The following PCDH11Y variants were observed in gnomAD, a reference collection of about 807,000 sequenced individuals.
PCDH11Y encodes protocadherin 11 Y-linked.
For synonymous variants in PCDH11Y, 9 were observed against 83.6 expected, an observed-to-expected ratio of 0.11 and a Z score of 4.87; for missense variants, 12 against 224.8, an observed-to-expected ratio of 0.05 and a Z score of 6.05.
intron 2 of PCDH11Y, among the ~76,000 whole-genome samples, chrY:5,219,554 C>T: frequency 3.0e-4 from 10 of 33,185 alleles, no homozygotes; most frequent in Non-Finnish European, 6.0e-4. Context: ...GCATATTGTT[C>T]ATTGGATTAT....
intron 4 of PCDH11Y, among the ~76,000 whole-genome samples, chrY:5,697,152 T>C: frequency 3.0e-5 from 1 of 33,343 alleles, no homozygotes; most frequent in South Asian, 6.9e-4. Context: ...GCCCTGAAAA[T>C]TTTTGTTAAT....
chrY:5,006,302 C>A (rs1350091778), intron 1 of PCDH11Y, among the ~76,000 whole-genome samples: 3 of 28,150 alleles, frequency 1.1e-4, no homozygotes, highest in Non-Finnish European at 2.5e-4. Flanking sequence ...AGAAGGGACC[C>A]CCCTCAGCAG....
At chrY:5,166,345 G>T (rs2563052) in intron 2 of PCDH11Y, among the ~76,000 whole-genome samples, 2 of 32,478 alleles carry the variant, frequency 6.2e-5, no homozygotes, top group Non-Finnish European at 1.5e-4. Context: ...CATGATATAC[G>T]TCATTTGCAA....
At chrY:5,386,409 G>A in intron 2 of PCDH11Y, among the ~76,000 whole-genome samples, 1 of 32,454 alleles carries the variant, frequency 3.1e-5, no homozygotes, top group Non-Finnish European at 7.5e-5. Context: ...TCTCTAGCAA[G>A]GCCGGGGAAG....
At chrY:5,692,601 A>G in intron 4 of PCDH11Y, among the ~76,000 whole-genome samples, 1 of 33,046 alleles carries the variant, frequency 3.0e-5, no homozygotes, top group African/African-American at 1.2e-4. Context: ...AAGGTCAACT[A>G]AAAACTGACA....
Position 5,029,691 on chromosome Y carries a change from A to G in PCDH11Y, c.-133-2215A>G, listed in dbSNP as rs2052585548. Among the ~76,000 whole-genome samples the G allele has an allele frequency of 2.2e-4, 6 of 27,162 alleles. No individual in the cohort carries two copies. In the South Asian group the frequency reaches 4.6e-3, roughly 21 times the overall value. 72.9% of individuals were successfully genotyped at this position (27,162 alleles called of 37,273 possible). A position where few individuals can be genotyped will look rare whatever the true frequency, so the allele number is the denominator to read the frequency against. ...TGTAATCCCAGCACTTTGGGAGGCC[A>G]AGGCGGGCAAATCATGAGGTCAGGA... is the stretch of plus-strand genomic sequence containing the variant. On this transcript the variant is annotated intron_variant, in intron 1 of 5. Coordinates refer to the PCDH11Y transcript ENST00000333703.
chrY:5,069,362 C>T, intron 1 of PCDH11Y, among the ~76,000 whole-genome samples: 1 of 33,579 alleles, frequency 3.0e-5, no homozygotes, highest in Admixed American at 2.7e-4. Context: ...TGCTTCTATG[C>T]ACTGATCCAC....
intron 1 of PCDH11Y, among the ~76,000 whole-genome samples, chrY:5,013,653 A>G: frequency 3.0e-5 from 1 of 33,630 alleles, no homozygotes; most frequent in African/African-American, 1.2e-4. Flanking sequence ...AAAAATTACA[A>G]TTCTCAGTTA....
chrY:5,723,955 A>C, intron 4 of PCDH11Y, among the ~76,000 whole-genome samples: 1 of 34,453 alleles, frequency 2.9e-5, no homozygotes, highest in Non-Finnish European at 7.4e-5. Context: ...ACATGCACCT[A>C]ACTCCAGTGC....
At chrY:5,369,426 A>T (rs2053185290) in intron 2 of PCDH11Y, among the ~76,000 whole-genome samples, 1 of 33,262 alleles carries the variant, frequency 3.0e-5, no homozygotes. Flanking sequence ...ACTGCCATGT[A>T]AGAAGTGTCT....
At chrY:5,061,324 TACTC>T (rs2052675038) in intron 1 of PCDH11Y, among the ~76,000 whole-genome samples, 1 of 33,591 alleles carries the variant, frequency 3.0e-5, no homozygotes, top group Non-Finnish European at 7.3e-5. Context: ...GCTATTTACA[TACTC>T]ACACACATCG....
intron 2 of PCDH11Y, among the ~76,000 whole-genome samples, chrY:5,429,014 TG>T (rs2053266025): frequency 3.0e-5 from 1 of 33,455 alleles, no homozygotes; most frequent in Non-Finnish European, 7.4e-5. Context: ...TTTTCTAGTC[TG>T]TGAAGATTTA....
chrY:5,223,360 A>G (rs2052956147), intron 2 of PCDH11Y, among the ~76,000 whole-genome samples: 1 of 33,486 alleles, frequency 3.0e-5, no homozygotes, highest in African/African-American at 1.2e-4. Context: ...ATATTTTCCA[A>G]TATTGTCACT....
At chrY:5,585,624 T>C (rs2053454826) in intron 4 of PCDH11Y, among the ~76,000 whole-genome samples, 1 of 32,377 alleles carries the variant, frequency 3.1e-5, no homozygotes, top group Non-Finnish European at 7.6e-5. Flanking sequence ...TTGCAATTGC[T>C]TTTGGAATTT....
chrY:5,625,390 C>CTT (rs1237932380), intron 4 of PCDH11Y, among the ~76,000 whole-genome samples: 1 of 5,475 alleles, frequency 1.8e-4, no homozygotes, highest in African/African-American at 7.7e-4. Context: ...ATTTTCTTTT[C>CTT]TTTTTTTTTT....
chrY:5,312,073 C>G, intron 2 of PCDH11Y, among the ~76,000 whole-genome samples: 1 of 31,974 alleles, frequency 3.1e-5, no homozygotes, highest in Non-Finnish European at 7.6e-5. Flanking sequence ...ACAAAAAGGT[C>G]AACTTGTTTT....
At chrY:5,261,264 G>A in intron 2 of PCDH11Y, among the ~76,000 whole-genome samples, 1 of 33,340 alleles carries the variant, frequency 3.0e-5, no homozygotes, top group East Asian at 8.0e-4. Context: ...AAAGATACCC[G>A]AAAATGTGGA....
intron 2 of PCDH11Y, among the ~76,000 whole-genome samples, chrY:5,114,278 T>C (rs2052805992): frequency 3.1e-5 from 1 of 32,238 alleles, no homozygotes; most frequent in African/African-American, 1.2e-4. Flanking sequence ...TACCTTGCCA[T>C]GCACCTCGTA....
chrY:5,303,165 G>A (rs2053085545), intron 2 of PCDH11Y, among the ~76,000 whole-genome samples: 2 of 32,314 alleles, frequency 6.2e-5, no homozygotes, highest in Admixed American at 5.8e-4. Flanking sequence ...GTATAGCATG[G>A]TACCACTCTC....
Sources: allele counts gnomAD v4.1 joint callset (sites outside exome capture counted in the v4.1 genomes callset), GRCh38; gene constraint gnomAD v4.1.1; transcripts MANE v1.5; gene names NCBI Gene and HGNC (gene_info 2026-07-23, HGNC 2026-07-21).